Variants in USP47 observed in about 807,000 individuals in gnomAD.
USP47 encodes ubiquitin specific peptidase 47, also known as ubiquitin carboxyl-terminal hydrolase 47.
In USP47, 35 loss-of-function variants were observed where a neutral mutation model predicts 165.1. That is an observed-to-expected ratio of 0.21 (90% CI 0.16 to 0.28). The LOEUF (loss-of-function observed/expected upper bound fraction) is 0.28, where lower values mean the gene tolerates loss of function less well. Ranked by LOEUF, USP47 falls within the 10% of genes least tolerant of loss-of-function variation. The pLI, the probability that USP47 is intolerant of heterozygous loss-of-function variation, is 1.00. For missense variants in USP47, 1,277 were observed against 1,607.4 expected (o/e 0.79, Z 3.52); for synonymous variants, 531 against 544.5 (o/e 0.98, Z 0.35).
At chr11:11,952,945 T>C (rs1347909291) in intron 25 of USP47, 74 bp downstream of exon 25, 1 of 1,075,444 alleles carries the variant, frequency 9.3e-7, no homozygotes, top group African/African-American at 1.7e-5. Context: ...ATATATAATA[T>C]ATAAACAATA....
intron 18 of USP47, 123 bp downstream of exon 18, chr11:11,938,495 A>C (rs1855235221): frequency 1.4e-6 from 1 of 698,370 alleles, no homozygotes; most frequent in East Asian, 2.7e-5. Context: ...ATTTGTAGTT[A>C]GGAGACAACT....
chr11:11,912,298 A>G (rs1401216765), intron 8 of USP47, among the ~76,000 whole-genome samples: 1 of 152,038 alleles, frequency 6.6e-6, no homozygotes, highest in Non-Finnish European at 1.5e-5. Flanking sequence ...CTTTGAAAAG[A>G]CAATAAAATT....
chr11:11,869,208 T>G (rs1849873955), intron 1 of USP47, among the ~76,000 whole-genome samples: 1 of 152,182 alleles, frequency 6.6e-6, no homozygotes, highest in Non-Finnish European at 1.5e-5. Flanking sequence ...CTGAGAACAT[T>G]TTCTCCTATG....
chr11:11,845,539 A>AT (rs779437939), intron 1 of USP47, among the ~76,000 whole-genome samples: 8 of 151,690 alleles, frequency 5.3e-5, no homozygotes, highest in Non-Finnish European at 8.8e-5. Context: ...TTTATATATT[A>AT]TTTGTTGTGA....
At chr11:11,853,866 C>G (rs865815346) in intron 1 of USP47, among the ~76,000 whole-genome samples, 3 of 152,206 alleles carry the variant, frequency 2.0e-5, no homozygotes, top group South Asian at 2.1e-4. Flanking sequence ...GTGGCTCACA[C>G]CTGTAATCCC....
chr11:11,906,003 C>T (rs1852537049), intron 8 of USP47, among the ~76,000 whole-genome samples: 1 of 152,010 alleles, frequency 6.6e-6, no homozygotes, highest in Admixed American at 6.6e-5. Context: ...AGCATCCCTA[C>T]TTTAAATATT....
In USP47 at chr11:11,841,985, G is replaced by GT; in HGVS notation, c.-200dup. ...GGAGGGGCCGACGACGAAGGCGGCTGTGGTAGCGGCGGCGGCGGCGGCGGA... is the reference window on the plus strand; with the variant it reads ...GGAGGGGCCGACGACGAAGGCGGCTGTTGGTAGCGGCGGCGGCGGCGGCGGA... On this transcript the variant is annotated 5_prime_UTR_variant, in exon 1 of 28. Transcript: ENST00000527733. The GT allele has an allele frequency of 3.7e-6, 2 of 539,540 alleles. No individual in the cohort carries two copies. The highest frequency in any genetic ancestry group is 6.4e-6 in the Non-Finnish European group (2 of 311,784). 33.4% of individuals were successfully genotyped at this position (539,540 alleles called of 1,614,324 possible).
intron 8 of USP47, among the ~76,000 whole-genome samples, chr11:11,915,372 A>G (rs1853336872): frequency 6.6e-6 from 1 of 152,154 alleles, no homozygotes; most frequent in Admixed American, 6.6e-5. Context: ...GGTTGTGGCT[A>G]TAAGAGGGTG....
At chr11:11,945,064 G>A (rs1855735040) in intron 20 of USP47, among the ~76,000 whole-genome samples, 1 of 152,128 alleles carries the variant, frequency 6.6e-6, no homozygotes, top group South Asian at 2.1e-4. Flanking sequence ...TAGTAAACAT[G>A]GTGAAGAAGA....
intron 5 of USP47, among the ~76,000 whole-genome samples, chr11:11,900,010 G>A (rs964717160): frequency 6.6e-6 from 1 of 152,146 alleles, no homozygotes; most frequent in Non-Finnish European, 1.5e-5. Flanking sequence ...TATCTAGAGA[G>A]TAGCACTAGT....
In USP47 at chr11:11,922,859, A is replaced by G. The variant is rs1285932936; in HGVS notation, c.1354A>G (p.Thr452Ala). 6.2e-7 allele frequency: 1 copy of G among 1,610,054 alleles called. No individual in the cohort carries two copies. The highest frequency in any genetic ancestry group is 8.5e-7 in the Non-Finnish European group (1 of 1,177,658). ...AATCTGTCTTGAAACCAATAGTGGA[A>G]CTGAAAAGATCTCAAAATCTGGACT... ...EGICLETNSG[T>A]EKISKSGLEK... The change falls in exon 11 of 28, where the codon ACT (threonine) becomes GCT (alanine). Residue 452 changes from threonine to alanine, a missense_variant. By Grantham distance (58) the Thr-to-Ala change is moderately conservative. Transcript: ENST00000527733.
At chr11:11,880,971 C>G (rs1850789797) in intron 2 of USP47, among the ~76,000 whole-genome samples, 1 of 152,128 alleles carries the variant, frequency 6.6e-6, no homozygotes, top group South Asian at 2.1e-4. Context: ...GCAGTCTTGT[C>G]AGATCTCTTT....
intron 1 of USP47, 58 bp from the exon 2 acceptor site, chr11:11,880,119 A>G (rs1275587022): frequency 4.2e-6 from 5 of 1,178,500 alleles, no homozygotes; most frequent in Non-Finnish European, 5.7e-6. Flanking sequence ...ATAGCTAATT[A>G]TACTTTTGTT....
In USP47 at chr11:11,929,387, G is replaced by A; in HGVS notation, c.1387-47G>A. ...GAGAATAGGAAATACACAAATAAGG[G>A]TTGTGTTTTCCTTCTCCTCTGAGTT... On this transcript the variant is annotated intron_variant, in intron 11 of 27. Coordinates refer to ENST00000527733, the MANE Select transcript of USP47 (RefSeq NM_001282659.2). The A allele has an allele frequency of 4.4e-6, 7 of 1,595,784 alleles. 1 individual carries two copies. In the South Asian group the frequency reaches 5.7e-5, roughly 13 times the overall value.
At chr11:11,873,296 C>T (rs761369832) in intron 1 of USP47, among the ~76,000 whole-genome samples, 4 of 151,998 alleles carry the variant, frequency 2.6e-5, no homozygotes, top group African/African-American at 4.8e-5. Context: ...TTATAGGTTA[C>T]TTTTATTTCC....
At position 11,886,169 on chromosome 11, in the gene USP47, TCAA is replaced by T. The variant is rs1851149668; in HGVS notation, c.357+1590_357+1592del. On this transcript the variant is annotated intron_variant, in intron 3 of 27. Coordinates refer to ENST00000527733, the MANE Select transcript of USP47 (RefSeq NM_001282659.2). ...GAATCAACACAAAAATGTCAAAAAC[TCAA>T]AAAGCCAGAATGCCTCTTCTCCAGA... 2.6e-5 allele frequency among the ~76,000 whole-genome samples: 4 copies of T among 152,008 alleles called. No individual in the cohort carries two copies. In the South Asian group the frequency reaches 6.3e-4, roughly 24 times the overall value.
intron 1 of USP47, among the ~76,000 whole-genome samples, chr11:11,875,133 G>A (rs998073864): frequency 2.6e-4 from 40 of 151,846 alleles, no homozygotes; most frequent in African/African-American, 9.7e-4. Flanking sequence ...TTGAAAGGAA[G>A]AATGTCTTAG....
At chr11:11,932,601 T>C (rs973829977) in intron 14 of USP47, among the ~76,000 whole-genome samples, 4 of 152,180 alleles carry the variant, frequency 2.6e-5, no homozygotes, top group Non-Finnish European at 5.9e-5. Context: ...GTAGATGATA[T>C]TAATAAGCTG....
chr11:11,919,604 T>A (rs546601326), intron 8 of USP47, among the ~76,000 whole-genome samples: 1 of 151,872 alleles, frequency 6.6e-6, no homozygotes, highest in Non-Finnish European at 1.5e-5. Context: ...GAACAGTATC[T>A]CACACACACA....
Sources: allele counts gnomAD v4.1 joint callset (sites outside exome capture counted in the v4.1 genomes callset), GRCh38; gene constraint gnomAD v4.1.1; transcripts MANE v1.5; gene names NCBI Gene and HGNC (gene_info 2026-07-23, HGNC 2026-07-21).